Variants in C1QTNF12 observed in about 807,000 individuals in gnomAD.
C1QTNF12 encodes the protein C1q and TNF related 12.
A neutral mutation model predicts 34.3 loss-of-function variants in C1QTNF12; 39 were observed. The observed-to-expected ratio is 1.14, with a 90% CI of 0.88 to 1.49. The LOEUF is 1.49. C1QTNF12 is among the 40% of genes most tolerant of loss of function. The probability of loss-of-function intolerance (pLI) is 0.00; values close to 1 mark genes in which losing one functional copy is unlikely to be tolerated. For synonymous variants in C1QTNF12, 220 were observed against 196.9 expected (o/e 1.12, Z -0.98); for missense variants, 497 against 424.7 (o/e 1.17, Z -1.50).
At chr1:1,242,972 G>A in intron 6 of C1QTNF12, 59 bp from the exon 7 acceptor site, 1 of 1,577,860 alleles carries the variant, frequency 6.3e-7, no homozygotes, top group Non-Finnish European at 8.6e-7. Flanking sequence ...GCCAAGACCT[G>A]CTCCAGTGCC....
intron 5 of C1QTNF12, 110 bp downstream of exon 5, chr1:1,243,334 G>C (rs1044640351): frequency 1.8e-6 from 2 of 1,140,502 alleles, no homozygotes; most frequent in African/African-American, 3.1e-5. Context: ...CCATGGGGCA[G>C]GGGATAGGTC....
intron 1 of C1QTNF12, among the ~76,000 whole-genome samples, chr1:1,245,827 G>GC (rs1638879408): frequency 6.6e-6 from 1 of 152,192 alleles, no homozygotes; most frequent in Non-Finnish European, 1.5e-5. Flanking sequence ...AGGTGTGAGG[G>GC]CCGGGGATGG....
At chr1:1,244,604 G>T in intron 1 of C1QTNF12, 107 bp from the exon 2 acceptor site, 1 of 870,710 alleles carries the variant, frequency 1.1e-6, no homozygotes, top group Non-Finnish European at 1.9e-6. Flanking sequence ...GGCATCGCCG[G>T]CCAGGAGAAG....
At position 1,243,978 on chromosome 1, in the gene C1QTNF12, C is replaced by T. The variant is rs1191315254; in HGVS notation, c.507G>A (p.Leu169=). The T allele has an allele frequency of 6.2e-7, 1 of 1,609,628 alleles. No homozygotes were observed. The highest frequency in any genetic ancestry group is 2.2e-5 in the East Asian group (1 of 44,746). ...QGPRRVDKRT[L]VELHGFQAPA... ...CAGCCTGGAAACCATGCAGCTCCAC[C>T]AGCGTCCGCTTGTCCACCCGGCGGG... The change falls in exon 4 of 8, where the codon CTG becomes CTA. Residue 169 remains leucine (L), a synonymous_variant. Transcript: ENST00000330388.
At chr1:1,242,700 G>A in intron 7 of C1QTNF12, 54 bp from the exon 8 acceptor site, 1 of 1,552,474 alleles carries the variant, frequency 6.4e-7, no homozygotes, top group Non-Finnish European at 8.8e-7. Flanking sequence ...CCACTCGGTG[G>A]CCAACGTCTG....
intron 7 of C1QTNF12, 24 bp downstream of exon 7, chr1:1,242,811 C>T (rs1216461776): frequency 1.7e-5 from 28 of 1,611,080 alleles, no homozygotes; most frequent in East Asian, 8.9e-5. Flanking sequence ...CGAGCCCTCC[C>T]GCTCACACCC....
rs866516042 is a variant in C1QTNF12 at position 1,246,014 on chromosome 1, G to A, written c.177+500C>T. 6.6e-6 allele frequency among the ~76,000 whole-genome samples: 1 copy of A among 151,918 alleles called. No homozygotes were observed. Among genetic ancestry groups the A allele is most frequent in the South Asian group, 2.1e-4 (1 of 4,828 alleles). Reference sequence around the variant, plus strand: ...ACGCCCGGCCTGACTGGGGCCCCAGGACTTAACCCGCAAGAGGGGGTGCTA... The same window carrying A: ...ACGCCCGGCCTGACTGGGGCCCCAGAACTTAACCCGCAAGAGGGGGTGCTA... On this transcript the variant is annotated intron_variant, in intron 1 of 7. Transcript: ENST00000330388. The surrounding 1 kb of genome is among the most constrained non-coding windows in gnomAD (Gnocchi z 4.5).
At chr1:1,245,123 A>C (rs1407411542) in intron 1 of C1QTNF12, among the ~76,000 whole-genome samples, 1 of 78 alleles carries the variant, frequency 0.013, no homozygotes, top group African/African-American at 0.071. Context: ...TCCTCATCCC[A>C]CTCCTTCCCC....
intron 1 of C1QTNF12, among the ~76,000 whole-genome samples, chr1:1,245,835 T>G (rs897206122): frequency 6.6e-6 from 1 of 152,064 alleles, no homozygotes; most frequent in African/African-American, 2.4e-5. Context: ...GGGCCGGGGA[T>G]GGGGGCTGCT....
chr1:1,243,698 C>T (rs1050300213), intron 4 of C1QTNF12, 146 bp from the exon 5 acceptor site: 1 of 811,520 alleles, frequency 1.2e-6, no homozygotes, highest in African/African-American at 1.7e-5. Flanking sequence ...ACCAGCAGGA[C>T]TGACCCTCGA....
chr1:1,245,767 C>A (rs551766013), intron 1 of C1QTNF12, among the ~76,000 whole-genome samples: 2 of 152,226 alleles, frequency 1.3e-5, no homozygotes, highest in Non-Finnish European at 2.9e-5. Context: ...GAGAGGCAGC[C>A]GGGCTGGCTG....
Position 1,246,583 on chromosome 1 carries a change from GC to G in C1QTNF12, c.107del (p.Gly36AlafsTer38). ...TGGCGTTGGGGGGATCTGCGCGCTGGCCAGGCTGCTGCGTCCTCTGTGCCTC... is the reference window on the plus strand; with the variant it reads ...TGGCGTTGGGGGGATCTGCGCGCTGGCAGGCTGCTGCGTCCTCTGTGCCTC... ...RREAQRTQQP[G>X]QRADPPNATA... is the part of the protein sequence containing the mutation. On this transcript the variant is annotated frameshift_variant, in exon 1 of 8. Coordinates refer to ENST00000330388, the MANE Select transcript of C1QTNF12 (RefSeq NM_001014980.3). LOFTEE classifies it high-confidence loss of function. The surrounding 1 kb of genome is among the most constrained non-coding windows in gnomAD (Gnocchi z 4.5). 2.4e-6 allele frequency: 3 copies of G among 1,248,018 alleles called. No individual in the cohort carries two copies. Among genetic ancestry groups the G allele is most frequent in the South Asian group, 6.8e-5 (2 of 29,600 alleles). The allele number at this position is 1,248,018 out of a possible 1,614,324, so 77.3% of individuals were successfully genotyped here. A position where few individuals can be genotyped will look rare whatever the true frequency, so the allele number is the denominator to read the frequency against.
upstream of C1QTNF12, chr1:1,246,759 G>A (rs1364138430): frequency 4.4e-6 from 5 of 1,142,662 alleles, no homozygotes; most frequent in African/African-American, 8.1e-5. This position sits in a 1 kb window ranked among gnomAD's most constrained non-coding sequence, Gnocchi z 4.5. Flanking sequence ...GACGGCCGGC[G>A]CTCAGAGCCC....
intron 1 of C1QTNF12, 124 bp from the exon 2 acceptor site, chr1:1,244,621 C>G: frequency 2.6e-6 from 2 of 759,128 alleles, no homozygotes; most frequent in East Asian, 2.5e-5. Context: ...GAAGGACCCA[C>G]GGCCGCCCTT....
intron 7 of C1QTNF12, 57 bp downstream of exon 7, chr1:1,242,778 A>G (rs1158390970): frequency 6.3e-7 from 1 of 1,596,040 alleles, no homozygotes; most frequent in Non-Finnish European, 8.6e-7. Context: ...CCGAGCTCAC[A>G]CCCGGCCCAG....
chr1:1,244,622 G>A (rs1638833132), intron 1 of C1QTNF12, 125 bp from the exon 2 acceptor site: 6 of 747,054 alleles, frequency 8.0e-6, no homozygotes, highest in South Asian at 1.6e-5. Context: ...AAGGACCCAC[G>A]GCCGCCCTTG....
Position 1,244,237 on chromosome 1 carries a change from T to A in C1QTNF12, c.333A>T (p.Glu111Asp). The A allele has an allele frequency of 1.3e-6, 2 of 1,599,280 alleles. No homozygotes were observed. The highest frequency in any genetic ancestry group is 1.7e-6 in the Non-Finnish European group (2 of 1,172,694). ...CGTGAAGCAGAGTCTCCGCGGTCAC[T>A]TCTGCACCTGGAGGTCCTGGGGGAC... ...LFGPPGPPGAEVTAETLLHEF... is the reference protein window; with the variant it reads ...LFGPPGPPGADVTAETLLHEF... The change falls in exon 3 of 8, where the codon GAA (glutamate) becomes GAT (aspartate). Residue 111 changes from glutamate (E) to aspartate (D), a missense_variant. By Grantham distance (45) the Glu-to-Asp change is conservative (BLOSUM62 2). Coordinates refer to ENST00000330388, the MANE Select transcript of C1QTNF12 (RefSeq NM_001014980.3).
Position 1,243,485 on chromosome 1 carries a change from G to T in C1QTNF12, c.599C>A (p.Pro200His). 2 of 1,560,460 alleles carry T rather than the reference G, an allele frequency of 1.3e-6. No individual in the cohort carries two copies. Among genetic ancestry groups the T allele is most frequent in the East Asian group, 4.8e-5 (2 of 41,514 alleles). The change falls in exon 5 of 8, where the codon CCC (proline) becomes CAC (histidine). Residue 200 changes from proline (P) to histidine (H), a missense_variant. Coordinates refer to ENST00000330388, the MANE Select transcript of C1QTNF12 (RefSeq NM_001014980.3). ...LSLASGRFTA[P>H]VSGIFQFSAS... ...AGAGAACTGGAAGATGCCGGACACGGGGGCCGTGAACCGACCCGAGGCCAG... is the reference window on the plus strand; with the variant it reads ...AGAGAACTGGAAGATGCCGGACACGTGGGCCGTGAACCGACCCGAGGCCAG...
Position 1,244,435 on chromosome 1 carries a change from C to A in C1QTNF12, c.240G>T (p.Arg80=), listed in dbSNP as rs762558614. ...DAHMTWLNFV[R]RPDDGALRKR... ...TCCTTAAGGCGCCGTCGTCCGGCCGCCGGACAAAGTTCAGCCATGTCATGT... is the reference window on the plus strand; with the variant it reads ...TCCTTAAGGCGCCGTCGTCCGGCCGACGGACAAAGTTCAGCCATGTCATGT... The change falls in exon 2 of 8, where the codon CGG becomes CGT. Residue 80 remains arginine, a synonymous_variant. Coordinates refer to ENST00000330388, the MANE Select transcript of C1QTNF12 (RefSeq NM_001014980.3). 20 of 1,611,806 alleles carry A rather than the reference C, an allele frequency of 1.2e-5. No individual in the cohort carries two copies. The Middle Eastern group carries it at 8.2e-4, about 66-fold the overall frequency.
Sources: allele counts gnomAD v4.1 joint callset (sites outside exome capture counted in the v4.1 genomes callset), GRCh38; gene constraint gnomAD v4.1.1; non-coding constraint Gnocchi (gnomAD v3.1); transcripts MANE v1.5; gene names NCBI Gene and HGNC (gene_info 2026-07-23, HGNC 2026-07-21).